RXRG: variants seen among roughly 807,000 people sequenced by gnomAD.
RXRG encodes retinoic acid receptor RXR-gamma.
Under a neutral mutation model 49.2 loss-of-function variants are expected in RXRG, and 19 were observed. The ratio of observed to expected loss-of-function variants is 0.39; its 90% CI spans 0.27 to 0.57. The LOEUF (loss-of-function observed/expected upper bound fraction) is 0.57, where lower values mean the gene tolerates loss of function less well. RXRG is among the 20% of genes least tolerant of loss of function. The pLI is 0.64. For missense variants in RXRG, 452 were observed against 592.5 expected (o/e 0.76, Z 2.46); for synonymous variants, 224 against 216.6 (o/e 1.03, Z -0.30).
chr1:165,437,815 C>T (rs534084790), intron 1 of RXRG, among the ~76,000 whole-genome samples: 2 of 152,138 alleles, frequency 1.3e-5, no homozygotes, highest in Non-Finnish European at 2.9e-5. Context: ...CCCCTGGAGC[C>T]TCTCATTTGT....
Position 165,401,254 on chromosome 1 carries a change from TG to T in RXRG, c.*8del. The stretch of plus-strand genomic sequence containing the variant: ...TCATCCTGGGTGGGGAGGCTGTGGC[TG>T]GTGGGGCTCAGGTGATCTGCAGCGG... On this transcript the variant is annotated 3_prime_UTR_variant, in exon 10 of 10. Coordinates refer to ENST00000359842, the MANE Select transcript of RXRG (RefSeq NM_006917.5). 1 of 1,613,444 alleles carries T rather than the reference TG, an allele frequency of 6.2e-7. No homozygotes were observed. The highest frequency in any genetic ancestry group is 8.5e-7 in the Non-Finnish European group (1 of 1,179,822).
Position 165,440,273 on chromosome 1 carries a change from TG to T in RXRG, c.49+4571del, listed in dbSNP as rs1557928586. Among the ~76,000 whole-genome samples, 3 of 152,218 alleles carry T rather than the reference TG, an allele frequency of 2.0e-5. No individual in the cohort carries two copies. In the East Asian group the frequency reaches 5.8e-4, roughly 29 times the overall value. The stretch of plus-strand genomic sequence containing the variant: ...CCCTTTGGCAAATTATTAATTTCTC[TG>T]TCCCCCAGTTTTTACATCTGTATAA... On this transcript the variant is annotated intron_variant, in intron 1 of 9. Transcript: ENST00000359842.
intron 1 of RXRG, among the ~76,000 whole-genome samples, chr1:165,442,575 C>A (rs1456891076): frequency 6.6e-6 from 1 of 152,154 alleles, no homozygotes; most frequent in Non-Finnish European, 1.5e-5. Flanking sequence ...TCTATGCCAG[C>A]AAAATATGAG....
At chr1:165,436,626 G>C (rs894119743) in intron 1 of RXRG, among the ~76,000 whole-genome samples, 4 of 152,120 alleles carry the variant, frequency 2.6e-5, no homozygotes, top group Non-Finnish European at 5.9e-5. Flanking sequence ...AGAAAACTAC[G>C]TTTTAACAAA....
At chr1:165,405,283 A>T (rs904648293) in intron 9 of RXRG, among the ~76,000 whole-genome samples, 1 of 152,232 alleles carries the variant, frequency 6.6e-6, no homozygotes, top group Non-Finnish European at 1.5e-5. Context: ...GCTTCAATTA[A>T]GATGATTTGC....
At chr1:165,431,359 A>T (rs1269909803) in intron 1 of RXRG, among the ~76,000 whole-genome samples, 3 of 152,210 alleles carry the variant, frequency 2.0e-5, no homozygotes, top group Non-Finnish European at 4.4e-5. Flanking sequence ...TCAGGTGGCC[A>T]CTCATTGGAA....
intron 1 of RXRG, chr1:165,437,165 G>A (rs774424542): frequency 1.5e-6 from 2 of 1,367,834 alleles, no homozygotes; most frequent in South Asian, 2.3e-5. Flanking sequence ...CCCTAGCGAT[G>A]TGGAGAGCAG....
intron 2 of RXRG, among the ~76,000 whole-genome samples, chr1:165,426,894 A>G (rs1418602930): frequency 6.6e-6 from 1 of 152,222 alleles, no homozygotes; most frequent in Non-Finnish European, 1.5e-5. Flanking sequence ...GAGACCCAGG[A>G]AGAGCAAATG....
At chr1:165,438,058 T>C (rs1658867630) in intron 1 of RXRG, among the ~76,000 whole-genome samples, 1 of 152,206 alleles carries the variant, frequency 6.6e-6, no homozygotes, top group African/African-American at 2.4e-5. Flanking sequence ...ATTTCCGCCT[T>C]ACGGACTACA....
intron 2 of RXRG, 71 bp from the exon 3 acceptor site, chr1:165,420,085 G>A (rs1018464573): frequency 4.5e-5 from 56 of 1,249,666 alleles, no homozygotes; most frequent in Non-Finnish European, 5.6e-5. Context: ...AAGGCAATGA[G>A]GGCTTACTCA....
At position 165,444,889 on chromosome 1, in the gene RXRG, T is replaced by C. The variant is rs766099791; in HGVS notation, c.5A>G (p.Tyr2Cys). The stretch of plus-strand genomic sequence containing the variant: ...CTTCATGAAGTGAGAATAATTTCCA[T>C]ACATGTTTACTCGTCAGTTCATGTT... M[Y>C]GNYSHFMKFP... is the part of the protein sequence containing the mutation. The change falls in exon 1 of 10, where the codon TAT becomes TGT. Residue 2 changes from tyrosine to cysteine, a missense_variant. Transcript: ENST00000359842. 2 of 1,614,108 alleles carry C rather than the reference T, an allele frequency of 1.2e-6. No homozygotes were observed. The highest frequency in any genetic ancestry group is 2.2e-5 in the East Asian group (1 of 44,884).
At chr1:165,437,201 C>T in intron 1 of RXRG, 2 of 1,367,592 alleles carry the variant, frequency 1.5e-6, no homozygotes, top group South Asian at 2.3e-5. Context: ...GGAAGAACAC[C>T]CTAGACCAAG....
At chr1:165,418,847 A>T (rs990530977) in intron 3 of RXRG, among the ~76,000 whole-genome samples, 1 of 152,372 alleles carries the variant, frequency 6.6e-6, no homozygotes, top group African/African-American at 2.4e-5. Flanking sequence ...TATTATGGCA[A>T]TGGCCAAGTC....
chr1:165,416,954 T>A, intron 4 of RXRG, 87 bp downstream of exon 4: 1 of 1,306,474 alleles, frequency 7.7e-7, no homozygotes, highest in Non-Finnish European at 1.1e-6. Flanking sequence ...TTGGGCACCA[T>A]GACTTCTCGT....
chr1:165,401,636 T>C (rs1281428239), intron 9 of RXRG, among the ~76,000 whole-genome samples: 2 of 152,198 alleles, frequency 1.3e-5, no homozygotes, highest in Non-Finnish European at 2.9e-5. Flanking sequence ...TTCAAGAATC[T>C]TGAATTCTGT....
chr1:165,402,880 GCA>G (rs1354428405), intron 9 of RXRG, among the ~76,000 whole-genome samples: 1 of 151,986 alleles, frequency 6.6e-6, no homozygotes, highest in Non-Finnish European at 1.5e-5. Context: ...TCACACATGT[GCA>G]CACACTCATT....
chr1:165,416,676 A>T (rs1422285472), intron 4 of RXRG, among the ~76,000 whole-genome samples: 1 of 152,124 alleles, frequency 6.6e-6, no homozygotes, highest in African/African-American at 2.4e-5. Context: ...GGACCCTGAA[A>T]CCTTGGCTCT....
chr1:165,424,490 A>G (rs1658419472), intron 2 of RXRG, among the ~76,000 whole-genome samples: 1 of 152,236 alleles, frequency 6.6e-6, no homozygotes, highest in Non-Finnish European at 1.5e-5. Context: ...CTGTAGGGTA[A>G]TCAGGGCAAG....
intron 1 of RXRG, chr1:165,437,209 A>G (rs1401434113): frequency 7.3e-7 from 1 of 1,367,534 alleles, no homozygotes; most frequent in Non-Finnish European, 9.8e-7. Flanking sequence ...ACCCTAGACC[A>G]AGAAGAATGC....
Sources: gnomAD v4.1 joint callset for allele counts (sites outside exome capture counted in the v4.1 genomes callset) on GRCh38, gnomAD v4.1.1 for gene constraint, MANE v1.5 for transcripts, NCBI Gene and HGNC (gene_info 2026-07-23, HGNC 2026-07-21) for gene names.